The following FAM163A variants were observed in gnomAD, a reference collection of about 807,000 sequenced individuals.
FAM163A encodes the protein protein FAM163A.
FAM163A carries 7 observed loss-of-function variants against 12.0 expected under a neutral mutation model. The ratio of observed to expected loss-of-function variants is 0.58; its 90% confidence interval spans 0.33 to 1.10. The LOEUF (loss-of-function observed/expected upper bound fraction) is 1.10. FAM163A is among the 50% of genes least tolerant of loss of function. FAM163A has a pLI of 0.03. For synonymous variants in FAM163A, 101 were observed against 91.0 expected, an observed-to-expected ratio of 1.11 and a Z score of -0.62; for missense variants, 202 against 218.6, an observed-to-expected ratio of 0.92 and a Z score of 0.48.
chr1:179,728,164 G>A, the FAM163A span, among the ~76,000 whole-genome samples: 1 of 152,078 alleles, frequency 6.6e-6, no homozygotes, highest in Non-Finnish European at 1.5e-5. Context: ...TTAATATTAT[G>A]TTTCCTATCC....
At chr1:179,732,110 G>A in the FAM163A span, among the ~76,000 whole-genome samples, 31 of 152,260 alleles carry the variant, frequency 2.0e-4, 1 homozygote, top group Admixed American at 7.2e-4. Context: ...CAGACCAAAG[G>A]CCAACAAATT....
At chr1:179,739,217 A>G (rs1229956547), upstream of FAM163A, among the ~76,000 whole-genome samples, 1 of 152,218 alleles carries the variant, frequency 6.6e-6, no homozygotes, top group Non-Finnish European at 1.5e-5. Flanking sequence ...ACAGAAAAAA[A>G]AAAAATTGGA....
At chr1:179,805,388 G>T (rs1693788706) in intron 1 of FAM163A, among the ~76,000 whole-genome samples, 1 of 151,968 alleles carries the variant, frequency 6.6e-6, no homozygotes, top group Admixed American at 6.6e-5. Flanking sequence ...GGTGGTGGCG[G>T]GCGCCTATAA....
chr1:179,730,826 T>A, the FAM163A span, among the ~76,000 whole-genome samples: 4 of 152,168 alleles, frequency 2.6e-5, no homozygotes, highest in African/African-American at 4.8e-5. Context: ...GCAACAACAA[T>A]AAATAGATGG....
At position 179,813,059 on chromosome 1, in the gene FAM163A, T is replaced by G; in HGVS notation, c.-22-17T>G. On this transcript the variant is annotated splice_polypyrimidine_tract_variant and intron_variant, in intron 3 of 4. Coordinates refer to ENST00000341785, the MANE Select transcript of FAM163A (RefSeq NM_173509.3). ...TGCAGCCACAGCTGGTCCTCAGCCC[T>G]CCGCACATCTTTGCAGAGTTTGATG... is the stretch of plus-strand genomic sequence containing the variant. 1.3e-6 allele frequency: 2 copies of G among 1,549,964 alleles called. No homozygotes were observed. The highest frequency in any genetic ancestry group is 1.7e-6 in the Non-Finnish European group (2 of 1,145,696).
At chr1:179,764,652 C>G (rs1441498717) in intron 1 of FAM163A, among the ~76,000 whole-genome samples, 1 of 152,126 alleles carries the variant, frequency 6.6e-6, no homozygotes, top group Non-Finnish European at 1.5e-5. Flanking sequence ...GTTGTTCGCC[C>G]TAGAGGTATG....
intron 1 of FAM163A, among the ~76,000 whole-genome samples, chr1:179,771,834 C>A (rs11584034): frequency 0.05 from 7,631 of 152,124 alleles, 360 homozygotes; most frequent in African/African-American, 0.13. Context: ...CTGGATGCCG[C>A]TGGCCATCCT....
chr1:179,801,030 T>C (rs1013964353), intron 1 of FAM163A, among the ~76,000 whole-genome samples: 13 of 152,268 alleles, frequency 8.5e-5, no homozygotes, highest in African/African-American at 3.1e-4. Context: ...GCTGTTCTCA[T>C]GGTCACCCCT....
chr1:179,730,863 T>C, the FAM163A span, among the ~76,000 whole-genome samples: 3 of 152,172 alleles, frequency 2.0e-5, no homozygotes, highest in African/African-American at 7.2e-5. Flanking sequence ...TCAGTGTTGG[T>C]AGGGAAAACA....
chr1:179,755,136 CAAA>C (rs35201060), intron 1 of FAM163A, among the ~76,000 whole-genome samples: 3 of 109,404 alleles, frequency 2.7e-5, no homozygotes, highest in Non-Finnish European at 1.9e-5. Context: ...GACTCTGCCT[CAAA>C]AAAAAAAAAA....
At chr1:179,755,218 G>A (rs927567933) in intron 1 of FAM163A, among the ~76,000 whole-genome samples, 1 of 151,660 alleles carries the variant, frequency 6.6e-6, no homozygotes, top group Admixed American at 6.6e-5. Context: ...GTGTAGAAGT[G>A]GGGTAGAATG....
At chr1:179,772,276 C>T (rs1688384763) in intron 1 of FAM163A, among the ~76,000 whole-genome samples, 1 of 152,216 alleles carries the variant, frequency 6.6e-6, no homozygotes, top group African/African-American at 2.4e-5. Flanking sequence ...TGCTGTCCCA[C>T]AGGCTCTCAC....
At chr1:179,727,822 A>G in the FAM163A span, among the ~76,000 whole-genome samples, 1 of 152,212 alleles carries the variant, frequency 6.6e-6, no homozygotes. Context: ...AGCATAGAGA[A>G]GAGAAGCTCC....
intron 1 of FAM163A, among the ~76,000 whole-genome samples, chr1:179,806,023 G>T (rs753940731): frequency 6.6e-5 from 10 of 152,168 alleles, no homozygotes; most frequent in Non-Finnish European, 8.8e-5. Flanking sequence ...ACTCAAGACA[G>T]CCAGCCCCAG....
the FAM163A span, among the ~76,000 whole-genome samples, chr1:179,737,365 G>A: frequency 6.6e-6 from 1 of 152,186 alleles, no homozygotes; most frequent in Non-Finnish European, 1.5e-5. Context: ...AGGAGGAAAT[G>A]AAGAGTTGTT....
At chr1:179,806,828 G>A (rs193053154) in intron 1 of FAM163A, among the ~76,000 whole-genome samples, 1 of 152,302 alleles carries the variant, frequency 6.6e-6, no homozygotes, top group East Asian at 1.9e-4. Flanking sequence ...TCCTGGCCGG[G>A]CATAGTGGTT....
chr1:179,786,883 C>T (rs942628075), intron 1 of FAM163A, among the ~76,000 whole-genome samples: 14 of 152,144 alleles, frequency 9.2e-5, no homozygotes, highest in African/African-American at 3.4e-4. Flanking sequence ...GGCCCTTTCC[C>T]GAGGGTCTGG....
chr1:179,737,717 C>T, the FAM163A span, among the ~76,000 whole-genome samples: 1 of 152,026 alleles, frequency 6.6e-6, no homozygotes, highest in Non-Finnish European at 1.5e-5. Flanking sequence ...CGCCTGTAGT[C>T]CCAGCTACTC....
intron 1 of FAM163A, among the ~76,000 whole-genome samples, chr1:179,781,439 G>T (rs1360990469): frequency 6.6e-6 from 1 of 152,002 alleles, no homozygotes; most frequent in Non-Finnish European, 1.5e-5. Flanking sequence ...TCCTCACAGA[G>T]TTCTCGGTTG....
Sources: allele counts gnomAD v4.1 joint callset (sites outside exome capture counted in the v4.1 genomes callset), GRCh38; gene constraint gnomAD v4.1.1; transcripts MANE v1.5; gene names NCBI Gene and HGNC (gene_info 2026-07-23, HGNC 2026-07-21).